CCDC14: variants seen among roughly 807,000 people sequenced by gnomAD.
The protein encoded by CCDC14 is coiled-coil domain containing 14.
Under a neutral mutation model 81.4 loss-of-function variants are expected in CCDC14, and 71 were observed. The ratio of observed to expected loss-of-function variants is 0.87; its 90% CI spans 0.72 to 1.06. The LOEUF is 1.06. Among genes scored for constraint, CCDC14 ranks in the 50% least tolerant of loss-of-function variants. CCDC14 has a pLI of 0.00. For missense variants in CCDC14, 1,046 were observed against 1,047.3 expected, an observed-to-expected ratio of 1.00 and a Z score of 0.02; for synonymous variants, 332 against 364.8, an observed-to-expected ratio of 0.91 and a Z score of 1.03.
chr3:123,951,076 T>C (rs1284906065), intron 5 of CCDC14, among the ~76,000 whole-genome samples: 6 of 152,200 alleles, frequency 3.9e-5, no homozygotes, highest in Admixed American at 3.9e-4. Context: ...TTTCCAGACC[T>C]AAATACAAGC....
At chr3:123,894,805 C>T (rs2034035650), downstream of CCDC14, among the ~76,000 whole-genome samples, 1 of 151,976 alleles carries the variant, frequency 6.6e-6, no homozygotes, top group South Asian at 2.1e-4. Context: ...GTATCATTTC[C>T]TATTATGTAC....
chr3:123,934,348 GTTT>G (rs1053160174), intron 9 of CCDC14, among the ~76,000 whole-genome samples: 1 of 137,684 alleles, frequency 7.3e-6, no homozygotes, highest in African/African-American at 2.7e-5. Context: ...GTGATTTGTT[GTTT>G]TTTTTCTATT....
downstream of CCDC14, among the ~76,000 whole-genome samples, chr3:123,911,712 T>G (rs747448905): frequency 1.3e-5 from 2 of 152,144 alleles, no homozygotes; most frequent in Non-Finnish European, 2.9e-5. Flanking sequence ...TGGCACATAT[T>G]AGAGCTTTCA....
intron 12 of CCDC14, among the ~76,000 whole-genome samples, chr3:123,917,152 T>C (rs938045156): frequency 6.6e-6 from 1 of 150,486 alleles, no homozygotes; most frequent in Non-Finnish European, 1.5e-5. Context: ...CTAAAGCCAT[T>C]TTATACTAAG....
At chr3:123,938,612 G>A (rs937361432) in intron 9 of CCDC14, among the ~76,000 whole-genome samples, 5 of 151,744 alleles carry the variant, frequency 3.3e-5, no homozygotes, top group Admixed American at 6.6e-5. Flanking sequence ...TACTGCACTT[G>A]TTAGAACGTC....
intron 3 of CCDC14, 45 bp downstream of exon 3, chr3:123,956,310 T>A: frequency 7.1e-7 from 1 of 1,413,536 alleles, no homozygotes; most frequent in Non-Finnish European, 9.6e-7. Flanking sequence ...AGCTACTATT[T>A]GAAAACTAAT....
intron 9 of CCDC14, among the ~76,000 whole-genome samples, chr3:123,942,034 G>A (rs1417797951): frequency 6.6e-6 from 1 of 151,888 alleles, no homozygotes; most frequent in Non-Finnish European, 1.5e-5. Flanking sequence ...TACATTCTAT[G>A]TTCCACAAAA....
chr3:123,887,471 C>T, the CCDC14 span, among the ~76,000 whole-genome samples: 146 of 41,036 alleles, frequency 3.6e-3, no homozygotes, highest in African/African-American at 0.02. Context: ...GTTGCTATAA[C>T]AACAACAACA....
At chr3:123,905,481 C>T (rs1320878229) in intron 5 of CCDC14, among the ~76,000 whole-genome samples, 1 of 152,090 alleles carries the variant, frequency 6.6e-6, no homozygotes, top group Non-Finnish European at 1.5e-5. Context: ...AATGTCTTGA[C>T]TCCTGAGCAG....
chr3:123,897,565 C>A (rs1034793138), exon 6 of CCDC14: 18 of 1,190,108 alleles, frequency 1.5e-5, no homozygotes, highest in African/African-American at 1.3e-4. Flanking sequence ...CTGTATTGGG[C>A]TTTTGTGTAA....
At chr3:123,916,279 A>G (rs1439111315) in intron 12 of CCDC14, among the ~76,000 whole-genome samples, 1 of 152,094 alleles carries the variant, frequency 6.6e-6, no homozygotes, top group African/African-American at 2.4e-5. Context: ...GATTACAGGT[A>G]TAAGCCACCA....
chr3:123,956,019 A>C, intron 4 of CCDC14, 27 bp downstream of exon 4: 2 of 1,533,422 alleles, frequency 1.3e-6, no homozygotes, highest in Non-Finnish European at 1.8e-6. Context: ...AGATAAGGTG[A>C]TCAGCAAAGA....
Position 123,961,220 on chromosome 3 carries a change from C to A in CCDC14, c.-47G>T. 1 of 1,551,606 alleles carries A rather than the reference C, an allele frequency of 6.4e-7. No individual in the cohort carries two copies. The highest frequency in any genetic ancestry group is 8.7e-7 in the Non-Finnish European group (1 of 1,147,006). ...CCAGACCGAGGGAAGTGAAGCCTCA[C>A]GGTAAAAAGAATTAACCGCCGTGGG... On this transcript the variant is annotated 5_prime_UTR_variant, in exon 1 of 13. Coordinates refer to ENST00000409697, the MANE Select transcript of CCDC14 (RefSeq NM_001366335.1).
chr3:123,913,547 G>A lies in CCDC14; in HGVS notation c.*1232C>T. The A allele has an allele frequency of 1.0e-6, 1 of 980,356 alleles. No homozygotes were observed. Among genetic ancestry groups the A allele is most frequent in the Non-Finnish European group, 1.2e-6 (1 of 825,776 alleles). The allele number at this position is 980,356 out of a possible 1,614,324, so 60.7% of individuals were successfully genotyped here. A position where few individuals can be genotyped will look rare whatever the true frequency, so the allele number is the denominator to read the frequency against. ...CTAAATAAAATTAAAGATGCTAATG[G>A]ACTCTTGTGTGAAATAGTTTAGAAT... On this transcript the variant is annotated 3_prime_UTR_variant, in exon 13 of 13. Transcript: ENST00000409697.
At chr3:123,942,175 A>T (rs1346173204) in intron 9 of CCDC14, among the ~76,000 whole-genome samples, 1 of 152,014 alleles carries the variant, frequency 6.6e-6, no homozygotes, top group Non-Finnish European at 1.5e-5. Context: ...AACTTCTTAG[A>T]TATATAACCT....
intron 5 of CCDC14, among the ~76,000 whole-genome samples, chr3:123,952,304 A>C (rs941727977): frequency 2.0e-5 from 3 of 152,178 alleles, no homozygotes; most frequent in Non-Finnish European, 4.4e-5. Flanking sequence ...GAGCCACTAG[A>C]TGCCTACTAT....
chr3:123,943,926 G>A (rs184242983), intron 9 of CCDC14, among the ~76,000 whole-genome samples: 1 of 152,222 alleles, frequency 6.6e-6, no homozygotes, highest in African/African-American at 2.4e-5. Context: ...TGAGTTCTGT[G>A]AGCCGCTCTA....
chr3:123,923,612 C>T (rs2035175798), intron 12 of CCDC14, among the ~76,000 whole-genome samples: 1 of 151,870 alleles, frequency 6.6e-6, no homozygotes, highest in African/African-American at 2.4e-5. Context: ...TTTCTATACA[C>T]TCACAACAAA....
At position 123,931,454 on chromosome 3, in the gene CCDC14, A is replaced by C. The variant is rs1336697437; in HGVS notation, c.1499T>G (p.Leu500Arg). 6.3e-7 allele frequency: 1 copy of C among 1,575,808 alleles called. No homozygotes were observed. Among genetic ancestry groups the C allele is most frequent in the East Asian group, 2.3e-5 (1 of 43,742 alleles). ...LEESLKSQELLQSKNEELLKV... is the reference protein window; with the variant it reads ...LEESLKSQELRQSKNEELLKV... Reference sequence around the variant, plus strand: ...TAACAGCTCTTCATTTTTACTCTGCAGTAATTCCTGGCTCTTTAGTGACTC... The same window carrying C: ...TAACAGCTCTTCATTTTTACTCTGCCGTAATTCCTGGCTCTTTAGTGACTC... The change falls in exon 11 of 13, where the codon CTG (leucine) becomes CGG (arginine). Residue 500 changes from leucine (L) to arginine (R), a missense_variant. By Grantham distance (102) the Leu-to-Arg change is moderately radical (BLOSUM62 -2). Coordinates refer to ENST00000409697, the MANE Select transcript of CCDC14 (RefSeq NM_001366335.1).
Sources: gnomAD v4.1 joint callset for allele counts (sites outside exome capture counted in the v4.1 genomes callset) on GRCh38, gnomAD v4.1.1 for gene constraint, MANE v1.5 for transcripts, NCBI Gene and HGNC (gene_info 2026-07-23, HGNC 2026-07-21) for gene names.